UBXN7: variants seen among roughly 807,000 people sequenced by gnomAD.
UBXN7 encodes the protein UBX domain-containing protein 7.
UBXN7 carries 9 observed loss-of-function variants against 58.0 expected under a neutral mutation model. That is an observed-to-expected ratio of 0.16 (90% CI 0.09 to 0.27). UBXN7 has a LOEUF of 0.27. Among genes scored for constraint, UBXN7 ranks in the 10% least tolerant of loss-of-function variants. The probability of loss-of-function intolerance (pLI) is 1.00; values close to 1 mark genes in which losing one functional copy is unlikely to be tolerated. For missense variants in UBXN7, 328 were observed against 599.6 expected (o/e 0.55, Z 4.73); for synonymous variants, 208 against 205.0 (o/e 1.01, Z -0.12).
intron 5 of UBXN7, among the ~76,000 whole-genome samples, chr3:196,376,522 G>C (rs1577443821): frequency 7.2e-6 from 1 of 139,332 alleles, no homozygotes; most frequent in African/African-American, 2.7e-5. Context: ...CTCTGGCCTG[G>C]GCGACAGAGC....
chr3:196,381,291 C>T (rs1279698426), intron 5 of UBXN7, among the ~76,000 whole-genome samples: 1 of 152,212 alleles, frequency 6.6e-6, no homozygotes, highest in Non-Finnish European at 1.5e-5. Flanking sequence ...GAGGAAGGCT[C>T]AGGCAGCAAT....
At chr3:196,370,477 AG>A (rs1213062457) in intron 6 of UBXN7, among the ~76,000 whole-genome samples, 1 of 151,580 alleles carries the variant, frequency 6.6e-6, no homozygotes, top group Non-Finnish European at 1.5e-5. Flanking sequence ...AAAAGAAAAA[AG>A]AAAAGAAAAG....
chr3:196,413,007 A>G (rs911683308), intron 1 of UBXN7, among the ~76,000 whole-genome samples: 2 of 152,172 alleles, frequency 1.3e-5, no homozygotes, highest in Non-Finnish European at 2.9e-5. Context: ...ATGGTTACAC[A>G]TTATTAATGT....
rs936430458 is a variant in UBXN7, at chr3:196,349,600, C to T, written c.*7085G>A. ...ATGTCATCAAACTGAAATGGACCCT[C>T]GTGACGGGCACTATGGAACCAGCTA... On this transcript the variant is annotated 3_prime_UTR_variant, in exon 11 of 11. Transcript: ENST00000296328. 3 of 152,076 alleles carry T rather than the reference C, an allele frequency of 2.0e-5. No homozygotes were observed. Among genetic ancestry groups the T allele is most frequent in the African/African-American group, 7.2e-5 (3 of 41,400 alleles). The allele number at this position is 152,076 out of a possible 1,614,324, so 9.4% of individuals were successfully genotyped here.
At chr3:196,399,385 G>A (rs368512327) in intron 3 of UBXN7, among the ~76,000 whole-genome samples, 3 of 151,812 alleles carry the variant, frequency 2.0e-5, no homozygotes, top group Non-Finnish European at 4.4e-5. Context: ...CAATCCTCCC[G>A]CCTCAGCCTC....
At chr3:196,369,126 T>TA (rs1401381490) in intron 7 of UBXN7, among the ~76,000 whole-genome samples, 5 of 152,166 alleles carry the variant, frequency 3.3e-5, no homozygotes, top group South Asian at 4.2e-4. Context: ...GCCCAGCTGG[T>TA]AAAAAAACTT....
At chr3:196,384,267 G>A (rs888277534) in intron 5 of UBXN7, among the ~76,000 whole-genome samples, 1 of 152,122 alleles carries the variant, frequency 6.6e-6, no homozygotes, top group African/African-American at 2.4e-5. Context: ...TTGAATCTCT[G>A]AACAGACCAA....
intron 10 of UBXN7, among the ~76,000 whole-genome samples, chr3:196,360,949 G>A (rs987690441): frequency 6.6e-6 from 1 of 152,182 alleles, no homozygotes; most frequent in Non-Finnish European, 1.5e-5. Flanking sequence ...CAAGGTTACA[G>A]TGAGCTATGA....
In UBXN7 at chr3:196,395,200, G is replaced by C. The variant is rs531689647; in HGVS notation, c.290-1581C>G. ...ACAGAGACTACAGAATCCCCTTAAC[G>C]CGTGTCAAAACATCTTTCCCAATAA... On this transcript the variant is annotated intron_variant, in intron 3 of 10. Transcript: ENST00000296328. Among the ~76,000 whole-genome samples, 5 of 152,196 alleles carry C rather than the reference G, an allele frequency of 3.3e-5. No homozygotes were observed. The South Asian group carries it at 1.0e-3, about 32-fold the overall frequency.
At chr3:196,432,185 C>T in intron 1 of UBXN7, 142 bp downstream of exon 1, 1 of 1,199,080 alleles carries the variant, frequency 8.3e-7, no homozygotes, top group Non-Finnish European at 1.2e-6. Flanking sequence ...CCGACGCCGT[C>T]GTCGCCTCTT....
intron 8 of UBXN7, among the ~76,000 whole-genome samples, chr3:196,364,129 TAAC>T (rs1312632613): frequency 3.3e-5 from 5 of 152,212 alleles, no homozygotes; most frequent in African/African-American, 1.2e-4. Flanking sequence ...TTCATTATGA[TAAC>T]AAGAAATGCA....
intron 1 of UBXN7, 86 bp downstream of exon 1, chr3:196,432,241 A>G: frequency 6.5e-7 from 1 of 1,548,332 alleles, no homozygotes; most frequent in African/African-American, 1.4e-5. Flanking sequence ...CGAAGGAGGA[A>G]TGCCTGAAGG....
Position 196,352,154 on chromosome 3 carries a change from C to CAA in UBXN7, c.*4530_*4531insTT, listed in dbSNP as rs1728231276. 1.3e-5 allele frequency: 2 copies of CAA among 152,150 alleles called. No homozygotes were observed. Among genetic ancestry groups the CAA allele is most frequent in the African/African-American group, 4.8e-5 (2 of 41,436 alleles). The allele number at this position is 152,150 out of a possible 1,614,324, so 9.4% of individuals were successfully genotyped here. ...AACTAAAACATATTCTTCCCTTTTT[C>CAA]TAAGTTTGAACTAATAGGTAAACAT... On this transcript the variant is annotated 3_prime_UTR_variant, in exon 11 of 11. Coordinates refer to ENST00000296328, the MANE Select transcript of UBXN7 (RefSeq NM_015562.2). This position sits in a 1 kb window ranked among gnomAD's most constrained non-coding sequence, Gnocchi z 4.1.
Position 196,391,851 on chromosome 3 carries a change from G to A in UBXN7, c.430C>T (p.Pro144Ser). 1 of 1,612,856 alleles carries A rather than the reference G, an allele frequency of 6.2e-7. No homozygotes were observed. Among genetic ancestry groups the A allele is most frequent in the Non-Finnish European group, 8.5e-7 (1 of 1,179,700 alleles). ...CCTTTATGCATCAAATCAATGGGTG[G>A]CCGGAATAGATCTGCAAGGGTAGTT... ...KLTTLADLFR[P>S]PIDLMHKGSF... Residue 144 changes from proline to serine, a missense_variant, in exon 5 of 11, where the codon CCA becomes TCA. Pro to Ser is a moderately conservative substitution (Grantham distance 74). This residue lies in a region of UBXN7 where 126 missense variants were observed against 302.6 expected (regional missense o/e 0.42). Transcript: ENST00000296328.
rs372331226 is a variant in UBXN7, at chr3:196,426,240, G to T, written c.73+6087C>A. Among the ~76,000 whole-genome samples the T allele has an allele frequency of 5.1e-4, 77 of 151,982 alleles. No individual in the cohort carries two copies. The South Asian group carries it at 0.016, about 32-fold the overall frequency. ...CTCCATTAAAAATACAAAAAATTTAGCTGGGTGTCGTGACGCGCATCTGTG... is the reference window on the plus strand; with the variant it reads ...CTCCATTAAAAATACAAAAAATTTATCTGGGTGTCGTGACGCGCATCTGTG... On this transcript the variant is annotated intron_variant, in intron 1 of 10. Coordinates refer to ENST00000296328, the MANE Select transcript of UBXN7 (RefSeq NM_015562.2).
At chr3:196,371,830 T>A in intron 6 of UBXN7, 66 bp downstream of exon 6, 2 of 1,554,854 alleles carry the variant, frequency 1.3e-6, no homozygotes, top group East Asian at 4.6e-5. Context: ...CCCAATTCCT[T>A]TCCCTCAACA....
chr3:196,395,841 CTG>C (rs1729753170), intron 3 of UBXN7, among the ~76,000 whole-genome samples: 2 of 152,148 alleles, frequency 1.3e-5, no homozygotes, highest in South Asian at 4.1e-4. Flanking sequence ...TCTCAGCTCA[CTG>C]TGACCTCCGC....
At chr3:196,385,858 G>A (rs550698279) in intron 5 of UBXN7, among the ~76,000 whole-genome samples, 82 of 152,258 alleles carry the variant, frequency 5.4e-4, no homozygotes, top group Non-Finnish European at 1.0e-3. Context: ...CTGCCCGGCC[G>A]CCACCCCATC....
At chr3:196,410,695 ACC>A (rs1246482997) in intron 1 of UBXN7, among the ~76,000 whole-genome samples, 4 of 152,014 alleles carry the variant, frequency 2.6e-5, no homozygotes, top group Non-Finnish European at 5.9e-5. Context: ...GTGAGCACAC[ACC>A]TGTAATCCCA....
Sources: allele counts gnomAD v4.1 joint callset (sites outside exome capture counted in the v4.1 genomes callset), GRCh38; gene constraint gnomAD v4.1.1; regional missense constraint gnomAD v4.1.1; non-coding constraint Gnocchi (gnomAD v3.1); transcripts MANE v1.5; gene names NCBI Gene and HGNC (gene_info 2026-07-23, HGNC 2026-07-21).